Variants in RNLS observed in about 807,000 individuals in gnomAD.
RNLS encodes renalase.
RNLS carries 39 observed loss-of-function variants against 39.8 expected under a neutral mutation model. That is an observed-to-expected ratio of 0.98 (90% CI 0.76 to 1.28). RNLS has a LOEUF of 1.28. RNLS is among the 50% of genes most tolerant of loss of function. The pLI is 0.00. For missense variants in RNLS, 410 were observed against 413.3 expected (o/e 0.99, Z 0.07); for synonymous variants, 147 against 150.7 (o/e 0.98, Z 0.18).
chr10:88,550,026 A>G (rs1848534181), intron 4 of RNLS, among the ~76,000 whole-genome samples: 1 of 152,074 alleles, frequency 6.6e-6, no homozygotes, highest in Non-Finnish European at 1.5e-5. Flanking sequence ...CAATCTCTAA[A>G]GTTTTGGGGG....
the RNLS span, among the ~76,000 whole-genome samples, chr10:88,179,937 A>G: frequency 2.0e-5 from 3 of 152,264 alleles, no homozygotes; most frequent in African/African-American, 4.8e-5. Context: ...TTTCTTTAGA[A>G]CAGAACATCC....
At chr10:88,505,408 T>C (rs1845731918) in intron 4 of RNLS, among the ~76,000 whole-genome samples, 1 of 149,182 alleles carries the variant, frequency 6.7e-6, no homozygotes, top group South Asian at 2.1e-4. Flanking sequence ...TGTTTGTGAG[T>C]GTGAGTGAGA....
At position 88,444,135 on chromosome 10, in the gene RNLS, C is replaced by T. The variant is rs138291999; in HGVS notation, c.527-81410G>A. On this transcript the variant is annotated intron_variant, in intron 4 of 6. Transcript: ENST00000331772. ...CTCTGAGATGAAACTTCCAGAAGAA[C>T]GATCAGGTAGCAACATTTGCTGATC... Among the ~76,000 whole-genome samples the T allele has an allele frequency of 7.2e-3, 1,097 of 152,310 alleles. 17 individuals are homozygous for T. Among genetic ancestry groups the T allele is most frequent in the African/African-American group, 0.024 (1,016 of 41,568 alleles).
At position 88,362,672 on chromosome 10, in the gene RNLS, A is replaced by T; in HGVS notation, c.580T>A (p.Tyr194Asn). 6.2e-7 allele frequency: 1 copy of T among 1,613,942 alleles called. No homozygotes were observed. The highest frequency in any genetic ancestry group is 1.1e-5 in the South Asian group (1 of 91,076). The part of the protein sequence containing the change: ...QLEAVSYSSR[Y>N]ALGLFYEAGT... ...GCTTCATAAAAGAGGCCCAGAGCATATCGAGAGGAGTAGCTCACAGCCTCC... is the reference window on the plus strand; with the variant it reads ...GCTTCATAAAAGAGGCCCAGAGCATTTCGAGAGGAGTAGCTCACAGCCTCC... The change falls in exon 5 of 7, where the codon TAT (tyrosine) becomes AAT (asparagine). Residue 194 changes from tyrosine to asparagine, a missense_variant. Coordinates refer to ENST00000331772, the MANE Select transcript of RNLS (RefSeq NM_001031709.3).
At chr10:88,328,558 G>C (rs1846824695) in intron 5 of RNLS, among the ~76,000 whole-genome samples, 1 of 151,926 alleles carries the variant, frequency 6.6e-6, no homozygotes, top group Non-Finnish European at 1.5e-5. Context: ...ATTAAACCAT[G>C]TTTACATTTT....
chr10:88,376,854 G>C (rs1016630882), intron 4 of RNLS, among the ~76,000 whole-genome samples: 2 of 151,876 alleles, frequency 1.3e-5, no homozygotes. Context: ...ATATCAAAAT[G>C]GTTTTGGCTA....
rs117628016 is a variant in RNLS at position 88,567,752 on chromosome 10, T to C, written c.526+5151A>G. On this transcript the variant is annotated intron_variant, in intron 4 of 6. Coordinates refer to ENST00000331772, the MANE Select transcript of RNLS (RefSeq NM_001031709.3). ...CTATATTATTTCTGCATAGTAGAAATGATACTCAAGGAAAAAAATGCTTTC... is the reference window on the plus strand; with the variant it reads ...CTATATTATTTCTGCATAGTAGAAACGATACTCAAGGAAAAAAATGCTTTC... Among the ~76,000 whole-genome samples the C allele has an allele frequency of 5.0e-3, 768 of 152,312 alleles. 1 individual carries two copies. The highest frequency in any genetic ancestry group is 7.4e-3 in the Non-Finnish European group (502 of 68,014).
chr10:88,386,915 G>T lies in RNLS; in HGVS notation c.527-24190C>A, dbSNP rs376455649. ...AATATTTTGAATGCATTTTTGTAAA[G>T]CCCAGTGAGGTTCCAGTGCTATGAC... On this transcript the variant is annotated intron_variant, in intron 4 of 6. Coordinates refer to ENST00000331772, the MANE Select transcript of RNLS (RefSeq NM_001031709.3). Among the ~76,000 whole-genome samples the T allele has an allele frequency of 3.9e-5, 6 of 152,274 alleles. No individual in the cohort carries two copies. The East Asian group carries it at 1.2e-3, about 29-fold the overall frequency.
At position 88,354,547 on chromosome 10, in the gene RNLS, C is replaced by T. The variant is rs112695849; in HGVS notation, c.700+8005G>A. Among the ~76,000 whole-genome samples, 28 of 152,224 alleles carry T rather than the reference C, an allele frequency of 1.8e-4. 1 individual carries two copies. The highest frequency in any genetic ancestry group is 6.7e-4 in the African/African-American group (28 of 41,538). ...TTTAAGAATGTTGAATATTGGCCCC[C>T]CCTCTCTTCTGGCTTGTAATTTCTG... On this transcript the variant is annotated intron_variant, in intron 5 of 6. Coordinates refer to ENST00000331772, the MANE Select transcript of RNLS (RefSeq NM_001031709.3).
chr10:88,377,675 T>G (rs369360256), intron 4 of RNLS, among the ~76,000 whole-genome samples: 7 of 152,188 alleles, frequency 4.6e-5, no homozygotes, highest in African/African-American at 1.7e-4. Context: ...TAGATAGAGA[T>G]TGCAAGATGA....
intron 6 of RNLS, among the ~76,000 whole-genome samples, chr10:88,297,856 T>C (rs1318948079): frequency 1.3e-5 from 2 of 152,148 alleles, no homozygotes; most frequent in Non-Finnish European, 2.9e-5. Flanking sequence ...CATCTAGGAG[T>C]GGAATTGCTG....
the RNLS span, among the ~76,000 whole-genome samples, chr10:88,195,551 C>T: frequency 2.0e-5 from 3 of 152,124 alleles, no homozygotes; most frequent in Non-Finnish European, 4.4e-5. Flanking sequence ...GGTAAGAAGA[C>T]ATCTGGATGC....
At chr10:88,370,291 A>T (rs916525908) in intron 4 of RNLS, among the ~76,000 whole-genome samples, 10 of 152,128 alleles carry the variant, frequency 6.6e-5, no homozygotes, top group Non-Finnish European at 1.5e-4. Flanking sequence ...ATGATTATGA[A>T]GATTTTAATG....
At chr10:88,438,864 A>T (rs1841555602) in intron 4 of RNLS, among the ~76,000 whole-genome samples, 1 of 151,970 alleles carries the variant, frequency 6.6e-6, no homozygotes, top group Non-Finnish European at 1.5e-5. Context: ...CACTTAATAT[A>T]TATATCCATA....
chr10:88,504,847 G>A (rs1845701511), intron 4 of RNLS, among the ~76,000 whole-genome samples: 1 of 142,806 alleles, frequency 7.0e-6, no homozygotes. Context: ...GAGACAGAGT[G>A]TGTGTGTGTG....
rs553127909 is a variant in RNLS at position 88,550,512 on chromosome 10, G to A, written c.526+22391C>T. On this transcript the variant is annotated intron_variant, in intron 4 of 6. Transcript: ENST00000331772. The stretch of plus-strand genomic sequence containing the variant: ...GTGGTAGAGATAGAGAAAGACTCAA[G>A]AAACTCAAATTCAGTGGTTGAAAAA... Among the ~76,000 whole-genome samples, 16 of 152,238 alleles carry A rather than the reference G, an allele frequency of 1.1e-4. No homozygotes were observed. The South Asian group carries it at 3.1e-3, about 30-fold the overall frequency.
rs190982341 is a variant in RNLS, at chr10:88,518,725, G to A, written c.526+54178C>T. Among the ~76,000 whole-genome samples the A allele has an allele frequency of 1.1e-4, 17 of 152,104 alleles. No homozygotes were observed. The East Asian group carries it at 2.3e-3, about 21-fold the overall frequency. ...AGAGAGAGGAGAAAAGGAACAGTAA[G>A]AAGTAACGTGGATTGTCCACCTACT... On this transcript the variant is annotated intron_variant, in intron 4 of 6. Coordinates refer to ENST00000331772, the MANE Select transcript of RNLS (RefSeq NM_001031709.3).
intron 5 of RNLS, among the ~76,000 whole-genome samples, chr10:88,359,080 A>G (rs1171057584): frequency 6.6e-6 from 1 of 152,180 alleles, no homozygotes; most frequent in East Asian, 1.9e-4. Context: ...TGGGAGGCCA[A>G]GGCAGTTGGA....
chr10:88,527,955 G>T (rs556378616), intron 4 of RNLS, among the ~76,000 whole-genome samples: 1 of 151,540 alleles, frequency 6.6e-6, no homozygotes, highest in South Asian at 2.1e-4. Context: ...AATCATAAAA[G>T]AAAATTCAGC....
Sources: allele counts gnomAD v4.1 joint callset (sites outside exome capture counted in the v4.1 genomes callset), GRCh38; gene constraint gnomAD v4.1.1; transcripts MANE v1.5; gene names NCBI Gene and HGNC (gene_info 2026-07-23, HGNC 2026-07-21).